The following CACNA2D3 variants were observed in gnomAD, a reference collection of about 807,000 sequenced individuals.
The protein encoded by CACNA2D3 is calcium voltage-gated channel auxiliary subunit alpha2delta 3.
In CACNA2D3, 60 loss-of-function variants were observed where a neutral mutation model predicts 160.6. The observed-to-expected ratio is 0.37, with a 90% CI of 0.30 to 0.46. CACNA2D3 has a LOEUF of 0.46. Ranked by LOEUF, CACNA2D3 falls within the 20% of genes least tolerant of loss-of-function variation. The probability of loss-of-function intolerance (pLI) is 1.00; values close to 1 mark genes in which losing one functional copy is unlikely to be tolerated. For synonymous variants in CACNA2D3, 558 were observed against 492.9 expected (o/e 1.13, Z -1.75); for missense variants, 1,205 against 1,365.0 (o/e 0.88, Z 1.85).
chr3:54,150,942 T>A (rs1700138460), intron 2 of CACNA2D3, among the ~76,000 whole-genome samples: 1 of 151,610 alleles, frequency 6.6e-6, no homozygotes, highest in South Asian at 2.1e-4. Flanking sequence ...GATAGACGAA[T>A]GAATGGATGT....
intron 11 of CACNA2D3, among the ~76,000 whole-genome samples, chr3:54,702,557 C>A (rs896406816): frequency 2.0e-5 from 3 of 152,162 alleles, no homozygotes; most frequent in Non-Finnish European, 2.9e-5. Context: ...TACCATCTCA[C>A]CAGTCAGAAT....
At chr3:55,058,072 C>T (rs1704409457) in intron 35 of CACNA2D3, among the ~76,000 whole-genome samples, 1 of 152,136 alleles carries the variant, frequency 6.6e-6, no homozygotes. Context: ...TGTCTCTCTT[C>T]AAACGTCTTC....
At chr3:54,655,622 A>G (rs838022) in intron 11 of CACNA2D3, among the ~76,000 whole-genome samples, 56,502 of 152,004 alleles carry the variant, frequency 0.37, 11,618 homozygotes, top group East Asian at 0.5. Context: ...TTTATCACCT[A>G]TTTCACGAAT....
At chr3:55,061,645 T>C (rs1440381960) in intron 35 of CACNA2D3, among the ~76,000 whole-genome samples, 1 of 152,234 alleles carries the variant, frequency 6.6e-6, no homozygotes, top group Non-Finnish European at 1.5e-5. Flanking sequence ...GCATTTCCTT[T>C]CATGAGCACA....
intron 11 of CACNA2D3, among the ~76,000 whole-genome samples, chr3:54,743,397 G>C (rs1026254185): frequency 3.3e-5 from 5 of 152,182 alleles, no homozygotes; most frequent in Non-Finnish European, 7.3e-5. Flanking sequence ...GGGAGAGGTG[G>C]ACTGAAAGTC....
chr3:55,074,097 C>G lies in CACNA2D3; in HGVS notation c.3184-17C>G. ...GGAGTCTATTTCCGTCTAACCAACCCCTGCCTTTCCCCATAGGAGAATGCA... is the reference window on the plus strand; with the variant it reads ...GGAGTCTATTTCCGTCTAACCAACCGCTGCCTTTCCCCATAGGAGAATGCA... On this transcript the variant is annotated splice_polypyrimidine_tract_variant and intron_variant, in intron 37 of 37. Coordinates refer to ENST00000474759, the MANE Select transcript of CACNA2D3 (RefSeq NM_018398.3). The G allele has an allele frequency of 6.2e-7, 1 of 1,607,522 alleles. No homozygotes were observed. The highest frequency in any genetic ancestry group is 1.1e-5 in the South Asian group (1 of 91,006).
chr3:54,378,378 G>A (rs1214481653), intron 3 of CACNA2D3, among the ~76,000 whole-genome samples: 1 of 152,150 alleles, frequency 6.6e-6, no homozygotes, highest in Admixed American at 6.5e-5. Context: ...CTCACAGGAG[G>A]CTGAGCTCAG....
intron 5 of CACNA2D3, among the ~76,000 whole-genome samples, chr3:54,554,870 C>CTCTTTTTTTT (rs1274391923): frequency 1.0e-5 from 1 of 96,168 alleles, no homozygotes; most frequent in Non-Finnish European, 1.9e-5. Flanking sequence ...CTCTCACTCT[C>CTCTTTTTTTT]TTTTTTTTTT....
chr3:54,145,251 T>C (rs1237170988), intron 2 of CACNA2D3, among the ~76,000 whole-genome samples: 1 of 152,230 alleles, frequency 6.6e-6, no homozygotes, highest in African/African-American at 2.4e-5. Context: ...TTGCCAATTA[T>C]GTAATGGGGT....
chr3:54,684,573 T>C (rs1338654324), intron 11 of CACNA2D3, among the ~76,000 whole-genome samples: 1 of 152,226 alleles, frequency 6.6e-6, no homozygotes, highest in Non-Finnish European at 1.5e-5. Context: ...ATTTGCTTAT[T>C]GATTACTTCA....
At chr3:54,786,720 A>T (rs1385885743) in intron 13 of CACNA2D3, among the ~76,000 whole-genome samples, 1 of 152,236 alleles carries the variant, frequency 6.6e-6, no homozygotes, top group Non-Finnish European at 1.5e-5. Context: ...GTTGATAAAC[A>T]GTATGTAATT....
intron 2 of CACNA2D3, among the ~76,000 whole-genome samples, chr3:54,141,094 C>CGCGCGCGCGCGCGCACGTGCGCACGT (rs768348036): frequency 1.2e-5 from 1 of 81,892 alleles, no homozygotes; most frequent in African/African-American, 3.8e-5. Flanking sequence ...TGTGCGCGCG[C>CGCGCGCGCGCGCGCACGTGCGCACGT]GCGCGTGTGT....
At chr3:54,260,968 C>A (rs1391513695) in intron 2 of CACNA2D3, among the ~76,000 whole-genome samples, 2 of 152,188 alleles carry the variant, frequency 1.3e-5, no homozygotes, top group Non-Finnish European at 2.9e-5. Context: ...GAATTCATTT[C>A]CTGTTTGTTC....
intron 17 of CACNA2D3, among the ~76,000 whole-genome samples, chr3:54,867,736 A>G (rs1699435864): frequency 6.6e-6 from 1 of 152,162 alleles, no homozygotes; most frequent in Non-Finnish European, 1.5e-5. Context: ...GATGGCCATG[A>G]GCTATTCCAA....
At chr3:54,150,243 G>C (rs1254243405) in intron 2 of CACNA2D3, among the ~76,000 whole-genome samples, 1 of 152,018 alleles carries the variant, frequency 6.6e-6, no homozygotes, top group Non-Finnish European at 1.5e-5. Flanking sequence ...GCTGGGAACT[G>C]AATTTGTCAT....
At chr3:54,995,989 T>C (rs1702848807) in intron 31 of CACNA2D3, among the ~76,000 whole-genome samples, 1 of 152,224 alleles carries the variant, frequency 6.6e-6, no homozygotes, top group Admixed American at 6.5e-5. Flanking sequence ...CACCTGTCCG[T>C]GTGCCTGCCT....
chr3:54,790,731 A>G (rs1163872490), intron 13 of CACNA2D3, among the ~76,000 whole-genome samples: 1 of 152,098 alleles, frequency 6.6e-6, no homozygotes, highest in Non-Finnish European at 1.5e-5. Flanking sequence ...GCACCTCTGG[A>G]GCCTGATCAT....
At chr3:54,760,997 A>G (rs1364247327) in intron 12 of CACNA2D3, among the ~76,000 whole-genome samples, 1 of 152,116 alleles carries the variant, frequency 6.6e-6, no homozygotes, top group Non-Finnish European at 1.5e-5. Context: ...AACCTTGGCT[A>G]TGATAAGCAA....
At chr3:54,303,818 G>GTTTTTTGTTTTTTTTTTTTTTT (rs59534343) in intron 2 of CACNA2D3, among the ~76,000 whole-genome samples, 6 of 115,006 alleles carry the variant, frequency 5.2e-5, no homozygotes, top group Admixed American at 1.0e-4. Context: ...CTTTTTTTCT[G>GTTTTTTGTTTTTTTTTTTTTTT]TTTTTTTTTT....
Sources: gnomAD v4.1 joint callset for allele counts (sites outside exome capture counted in the v4.1 genomes callset) on GRCh38, gnomAD v4.1.1 for gene constraint, MANE v1.5 for transcripts, NCBI Gene and HGNC (gene_info 2026-07-23, HGNC 2026-07-21) for gene names.